SPRY3: variants seen among roughly 807,000 people sequenced by gnomAD.
SPRY3 encodes sprouty RTK signaling antagonist 3, also known as protein sprouty homolog 3.
Under a neutral mutation model 20.2 loss-of-function variants are expected in SPRY3, and 15 were observed. The observed-to-expected ratio is 0.74, with a 90% CI of 0.50 to 1.14. The LOEUF (loss-of-function observed/expected upper bound fraction) is 1.14. Ranked by LOEUF, SPRY3 falls within the 50% of genes most tolerant of loss-of-function variation. SPRY3 has a pLI of 0.00. For missense variants in SPRY3, 364 were observed against 363.9 expected, an observed-to-expected ratio of 1.00 and a Z score of 0.00; for synonymous variants, 143 against 136.5, an observed-to-expected ratio of 1.05 and a Z score of -0.33.
chrX:155,708,142 T>A (rs1216862657), intron 2 of SPRY3, among the ~76,000 whole-genome samples: 1 of 151,336 alleles, frequency 6.6e-6, no homozygotes, highest in Non-Finnish European at 1.5e-5. Context: ...CTTTGCATAG[T>A]CATCTGGTAT....
chrX:155,628,082 T>A (rs1557350111), intron 1 of SPRY3, among the ~76,000 whole-genome samples: 1 of 112,031 alleles, frequency 8.9e-6, no homozygotes, highest in African/African-American at 3.2e-5. Flanking sequence ...GTTGATTCTA[T>A]GTGTTTGCTA....
At chrX:155,765,292 ACAGCCTGAGT>A (rs1157472402) in intron 2 of SPRY3, among the ~76,000 whole-genome samples, 11 of 44,672 alleles carry the variant, frequency 2.5e-4, no homozygotes, top group African/African-American at 7.2e-4. Flanking sequence ...CTGGAGTGAG[ACAGCCTGAGT>A]CAGCCTGAGT....
chrX:155,739,586 G>A (rs1285347105), intron 2 of SPRY3, among the ~76,000 whole-genome samples: 1 of 152,144 alleles, frequency 6.6e-6, no homozygotes, highest in African/African-American at 2.4e-5. Context: ...GGTGACCACT[G>A]GGATGGAGCT....
At chrX:155,749,115 TAAAAATAAGCTTTTACAAAAAAGGA>T (rs2091245315) in intron 2 of SPRY3, among the ~76,000 whole-genome samples, 1 of 151,892 alleles carries the variant, frequency 6.6e-6, no homozygotes, top group Non-Finnish European at 1.5e-5. Flanking sequence ...ATCCATAAAA[TAAAAATAAGCTTTTACAAAAAAGGA>T]AGTAATCAGA....
At chrX:155,637,495 C>T (rs1038854840) in intron 1 of SPRY3, among the ~76,000 whole-genome samples, 4 of 110,868 alleles carry the variant, frequency 3.6e-5, no homozygotes, top group Admixed American at 2.9e-4. Flanking sequence ...GCAGTTTCCC[C>T]AGCATTTCCA....
chrX:155,637,918 C>T (rs1026156362), intron 1 of SPRY3, among the ~76,000 whole-genome samples: 20 of 108,829 alleles, frequency 1.8e-4, no homozygotes, highest in Non-Finnish European at 2.7e-4. Context: ...AGTGTAAAAG[C>T]ATGTCCTTTG....
intron 2 of SPRY3, among the ~76,000 whole-genome samples, chrX:155,675,757 T>G (rs963769334): frequency 8.9e-6 from 1 of 111,782 alleles, no homozygotes; most frequent in Non-Finnish European, 1.9e-5. Context: ...AAATGCAAAA[T>G]ATTATGCTTA....
intron 2 of SPRY3, among the ~76,000 whole-genome samples, chrX:155,669,258 G>A (rs1196411729): frequency 2.7e-5 from 3 of 111,018 alleles, no homozygotes; most frequent in Non-Finnish European, 5.7e-5. Context: ...AAGTTATAGA[G>A]TTCTCAACAT....
At chrX:155,629,320 C>T (rs1166814184) in intron 1 of SPRY3, among the ~76,000 whole-genome samples, 2 of 110,041 alleles carry the variant, frequency 1.8e-5, no homozygotes, top group Admixed American at 9.7e-5. Context: ...TCCATGTCGC[C>T]ACAAAGGACA....
chrX:155,707,966 CAT>C (rs1379671706), intron 2 of SPRY3, among the ~76,000 whole-genome samples: 1 of 151,168 alleles, frequency 6.6e-6, no homozygotes, highest in Non-Finnish European at 1.5e-5. Context: ...ATATTTTCTA[CAT>C]GTGTCATATC....
intron 1 of SPRY3, among the ~76,000 whole-genome samples, chrX:155,622,664 T>G (rs1263247057): frequency 8.9e-6 from 1 of 112,287 alleles, no homozygotes; most frequent in Non-Finnish European, 1.9e-5. Flanking sequence ...ATGTGGATCA[T>G]CACAGTGTCC....
At chrX:155,627,733 T>C (rs1256324823) in intron 1 of SPRY3, among the ~76,000 whole-genome samples, 1 of 110,617 alleles carries the variant, frequency 9.0e-6, no homozygotes, top group Non-Finnish European at 1.9e-5. Context: ...ATGTGTGCCA[T>C]GGTGGTTTGC....
At chrX:155,651,945 G>A (rs1557352408) in intron 1 of SPRY3, among the ~76,000 whole-genome samples, 2 of 111,906 alleles carry the variant, frequency 1.8e-5, no homozygotes, top group Non-Finnish European at 3.8e-5. Context: ...AGGCTGTACA[G>A]GAAGCATGGC....
intron 1 of SPRY3, among the ~76,000 whole-genome samples, chrX:155,645,605 C>A (rs782338160): frequency 8.9e-6 from 1 of 112,154 alleles, no homozygotes; most frequent in Admixed American, 9.4e-5. Context: ...CAGGGCAGCA[C>A]TGAGTTCAAT....
At position 155,628,127 on chromosome X, in the gene SPRY3, C is replaced by T. The variant is rs782533854; in HGVS notation, c.-441+15480C>T. Among the ~76,000 whole-genome samples, 155 of 112,044 alleles carry T rather than the reference C, an allele frequency of 1.4e-3. 1 individual carries two copies. Among genetic ancestry groups the T allele is most frequent in the Non-Finnish European group, 2.5e-3 (132 of 53,204 alleles). ...GTGCTGCACTGAACATACACGTACACGTATCTTTATAACAGAATGATTTGT... is the reference window on the plus strand; with the variant it reads ...GTGCTGCACTGAACATACACGTACATGTATCTTTATAACAGAATGATTTGT... On this transcript the variant is annotated intron_variant, in intron 1 of 3. Coordinates refer to ENST00000675360, the Ensembl canonical transcript of SPRY3.
chrX:155,624,917 A>C (rs911926210), intron 1 of SPRY3, among the ~76,000 whole-genome samples: 10 of 111,729 alleles, frequency 9.0e-5, no homozygotes, highest in Admixed American at 2.9e-4. Flanking sequence ...ACTGGCAAGA[A>C]AGTTACATTC....
intron 2 of SPRY3, among the ~76,000 whole-genome samples, chrX:155,722,558 A>G (rs1457469482): frequency 1.3e-5 from 2 of 152,164 alleles, no homozygotes; most frequent in South Asian, 2.1e-4. Flanking sequence ...AAATTAAATC[A>G]TATTAACCGA....
intron 2 of SPRY3, among the ~76,000 whole-genome samples, chrX:155,767,329 C>T (rs1267361940): frequency 6.6e-6 from 1 of 152,082 alleles, no homozygotes; most frequent in African/African-American, 2.4e-5. Flanking sequence ...CATCTACATT[C>T]ACAAAACGGC....
chrX:155,770,130 T>A (rs1366335089), intron 3 of SPRY3, among the ~76,000 whole-genome samples: 3 of 152,174 alleles, frequency 2.0e-5, no homozygotes, highest in Non-Finnish European at 2.9e-5. Context: ...ATTGAACCCG[T>A]GAGACTGGGA....
Sources: gnomAD v4.1 joint callset for allele counts (sites outside exome capture counted in the v4.1 genomes callset) on GRCh38, gnomAD v4.1.1 for gene constraint, MANE v1.5 for transcripts, NCBI Gene and HGNC (gene_info 2026-07-23, HGNC 2026-07-21) for gene names.